KAT2A: variants seen among roughly 807,000 people sequenced by gnomAD.
The protein encoded by KAT2A is lysine acetyltransferase 2A, also known as histone acetyltransferase KAT2A.
A neutral mutation model predicts 95.2 loss-of-function variants in KAT2A; 42 were observed. That is an observed-to-expected ratio of 0.44 (90% CI 0.34 to 0.57). KAT2A has a LOEUF of 0.57. Ranked by LOEUF, KAT2A falls within the 20% of genes least tolerant of loss-of-function variation. The probability of loss-of-function intolerance (pLI) is 0.01; values close to 1 mark genes in which losing one functional copy is unlikely to be tolerated. For synonymous variants in KAT2A, 449 were observed against 448.2 expected, an observed-to-expected ratio of 1.00 and a Z score of -0.02; for missense variants, 784 against 1,126.3, an observed-to-expected ratio of 0.70 and a Z score of 4.35.
Position 42,120,265 on chromosome 17 carries a change from TCTTC to T in KAT2A, c.565_568del (p.Glu189ArgfsTer23). ...ATAGACCTGCTTGGTGTCTGTGTCC[TCTTC>T]CTTGTGAACAGACATGAAGAGATTC... On this transcript the variant is annotated frameshift_variant, in exon 3 of 18. Transcript: ENST00000225916. LOFTEE classifies it high-confidence loss of function. The T allele has an allele frequency of 6.2e-7, 1 of 1,614,218 alleles. No individual in the cohort carries two copies. Among genetic ancestry groups the T allele is most frequent in the Non-Finnish European group, 8.5e-7 (1 of 1,180,024 alleles).
At position 42,113,452 on chromosome 17, in the gene KAT2A, A is replaced by G. The variant is rs537578386; in HGVS notation, c.*197T>C. ...CCCCAACCCAGGAGACCTCTCACAC[A>G]CAGTGAAGGCTGGGACAGAGCTGCA... On this transcript the variant is annotated 3_prime_UTR_variant, in exon 18 of 18. Coordinates refer to ENST00000225916, the MANE Select transcript of KAT2A (RefSeq NM_021078.3). 1.9e-6 allele frequency: 1 copy of G among 520,292 alleles called. No individual in the cohort carries two copies. Among genetic ancestry groups the G allele is most frequent in the South Asian group, 2.7e-5 (1 of 37,574 alleles). The allele number at this position is 520,292 out of a possible 1,614,324, so 32.2% of individuals were successfully genotyped here. A position where few individuals can be genotyped will look rare whatever the true frequency, so the allele number is the denominator to read the frequency against.
chr17:42,118,227 C>T lies in KAT2A; in HGVS notation c.1180+70G>A. ...CCAGGGCCTCCGGCCCAGGTGAGCTCTCTTCCACCCAGGAGGCTTAGCTCA... is the reference window on the plus strand; with the variant it reads ...CCAGGGCCTCCGGCCCAGGTGAGCTTTCTTCCACCCAGGAGGCTTAGCTCA... On this transcript the variant is annotated intron_variant, in intron 7 of 17. Coordinates refer to ENST00000225916, the MANE Select transcript of KAT2A (RefSeq NM_021078.3). 3 of 1,253,724 alleles carry T rather than the reference C, an allele frequency of 2.4e-6. No homozygotes were observed. The South Asian group carries it at 3.7e-5, about 16-fold the overall frequency. The allele number at this position is 1,253,724 out of a possible 1,614,324, so 77.7% of individuals were successfully genotyped here.
chr17:42,120,058 G>A lies in KAT2A; in HGVS notation c.671C>T (p.Pro224Leu), dbSNP rs2054313899. The stretch of plus-strand genomic sequence containing the variant: ...CTCAATATTAGGTTTCTCAAATGGA[G>A]GGCTGCCCAGGGACCCCTCCACCAC... ...RPVVEGSLGS[P>L]PFEKPNIEQG... The change falls in exon 4 of 18, where the codon CCT (proline) becomes CTT (leucine). Residue 224 changes from proline to leucine, a missense_variant. This residue lies in a region of KAT2A where 208 missense variants were observed against 339.7 expected (regional missense o/e 0.61). Transcript: ENST00000225916. 2 of 1,613,990 alleles carry A rather than the reference G, an allele frequency of 1.2e-6. No individual in the cohort carries two copies. The highest frequency in any genetic ancestry group is 1.7e-6 in the Non-Finnish European group (2 of 1,179,992).
rs1467723356 is a variant in KAT2A, at chr17:42,117,311, T to C, written c.1637+77A>G. The C allele has an allele frequency of 1.3e-6, 2 of 1,564,246 alleles. No homozygotes were observed. Among genetic ancestry groups the C allele is most frequent in the African/African-American group, 2.7e-5 (2 of 73,910 alleles). ...GAAGTGGGGAGCAGGGGATCCCCAA[T>C]TTTGAGGAGTGAAGAGGCCGAGGAG... On this transcript the variant is annotated intron_variant, in intron 10 of 17. Transcript: ENST00000225916. This position sits in a 1 kb window ranked among gnomAD's most constrained non-coding sequence, Gnocchi z 8.9.
At chr17:42,115,874 G>A in intron 11 of KAT2A, 41 bp from the exon 12 acceptor site, 3 of 1,170,792 alleles carry the variant, frequency 2.6e-6, no homozygotes, top group Non-Finnish European at 3.9e-6. Flanking sequence ...AGCTGAGGAT[G>A]GGCCTGGTGC....
In KAT2A at chr17:42,117,974, G is replaced by T; in HGVS notation, c.1224C>A (p.Ser408Arg). ...TGTTGCTGCCCCCACCCATGCTGGGGCTGAAGATGGGGGTGCTGGGAACAA... is the reference window on the plus strand; with the variant it reads ...TGTTGCTGCCCCCACCCATGCTGGGTCTGAAGATGGGGGTGCTGGGAACAA... ...AAVVPSTPIF[S>R]PSMGGGSNSS... The change falls in exon 8 of 18, where the codon AGC becomes AGA. Residue 408 changes from serine (S) to arginine (R), a missense_variant. Transcript: ENST00000225916. This position sits in a 1 kb window ranked among gnomAD's most constrained non-coding sequence, Gnocchi z 8.9. The T allele has an allele frequency of 1.2e-6, 2 of 1,608,314 alleles. No homozygotes were observed. Among genetic ancestry groups the T allele is most frequent in the Non-Finnish European group, 1.7e-6 (2 of 1,176,184 alleles).
chr17:42,118,969 G>A, intron 6 of KAT2A: 1 of 1,201,860 alleles, frequency 8.3e-7, no homozygotes, highest in South Asian at 2.7e-5. Context: ...GTCTGAGGCT[G>A]TGTCCAGGCC....
In KAT2A at chr17:42,117,233, C is replaced by A; in HGVS notation, c.1638-72G>T. The stretch of plus-strand genomic sequence containing the variant: ...GTCCCCAGAGCCCTGGAAGTCTGAG[C>A]TGTAGTCAGGGTTGGGCAGTGAGAA... On this transcript the variant is annotated intron_variant, in intron 10 of 17. Coordinates refer to ENST00000225916, the MANE Select transcript of KAT2A (RefSeq NM_021078.3). This position sits in a 1 kb window ranked among gnomAD's most constrained non-coding sequence, Gnocchi z 8.9. 3 of 1,596,690 alleles carry A rather than the reference C, an allele frequency of 1.9e-6. No individual in the cohort carries two copies. The highest frequency in any genetic ancestry group is 1.7e-6 in the Non-Finnish European group (2 of 1,169,518).
intron 6 of KAT2A, among the ~76,000 whole-genome samples, chr17:42,118,687 C>T (rs1199067333): frequency 6.6e-6 from 1 of 152,220 alleles, no homozygotes; most frequent in Non-Finnish European, 1.5e-5. Context: ...GGCAGGGCAC[C>T]TTGTCACCCT....
chr17:42,114,636 C>G lies in KAT2A; in HGVS notation c.2020-32G>C, dbSNP rs2054227859. On this transcript the variant is annotated intron_variant, in intron 13 of 17. Transcript: ENST00000225916. The surrounding 1 kb of genome is among the most constrained non-coding windows in gnomAD (Gnocchi z 6.0). ...GAAGGAAGGGACTGAGGGGCCAACT[C>G]CAGCCCCAACAACAACCCCTCCCAG... 6.3e-7 allele frequency: 1 copy of G among 1,576,130 alleles called. No individual in the cohort carries two copies.
At position 42,121,097 on chromosome 17, in the gene KAT2A, C is replaced by G; in HGVS notation, c.208G>C (p.Ala70Pro). 4.6e-6 allele frequency: 7 copies of G among 1,531,162 alleles called. No homozygotes were observed. Among genetic ancestry groups the G allele is most frequent in the Non-Finnish European group, 5.3e-6 (6 of 1,137,734 alleles). The allele number at this position is 1,531,162 out of a possible 1,614,324, so 94.8% of individuals were successfully genotyped here. A position where few individuals can be genotyped will look rare whatever the true frequency, so the allele number is the denominator to read the frequency against. Reference sequence around the variant, plus strand: ...CGAGCCGGATCCCCCCCGCTCCCGGCCCCCCCACTTCCTACCCCGGGCCCC... The same window carrying G: ...CGAGCCGGATCCCCCCCGCTCCCGGGCCCCCCACTTCCTACCCCGGGCCCC... ...TGGPGVGSGGAGSGGDPARPG... is the reference protein window; with the variant it reads ...TGGPGVGSGGPGSGGDPARPG... Residue 70 changes from alanine to proline, a missense_variant, in exon 1 of 18, where the codon GCC becomes CCC. Around this residue, in one of 6 missense-constraint regions of KAT2A, gnomAD observed 142 missense variants for 123.2 expected, o/e 1.15. Coordinates refer to ENST00000225916, the MANE Select transcript of KAT2A (RefSeq NM_021078.3).
chr17:42,117,560 T>C lies in KAT2A; in HGVS notation c.1465A>G (p.Thr489Ala). The C allele has an allele frequency of 6.2e-7, 1 of 1,613,242 alleles. No individual in the cohort carries two copies. Among genetic ancestry groups the C allele is most frequent in the African/African-American group, 1.3e-5 (1 of 75,022 alleles). ...LLSANAARDE[T>A]ARLEERRGII... ...CCGCGGCGCTCCTCCAGGCGGGCTG[T>C]CTCATCCCGGGCCGCATTGGCCGAA... Residue 489 changes from threonine (T) to alanine (A), a missense_variant, in exon 10 of 18, where the codon ACA becomes GCA. By Grantham distance (58) the Thr-to-Ala change is moderately conservative (BLOSUM62 0). Coordinates refer to ENST00000225916, the MANE Select transcript of KAT2A (RefSeq NM_021078.3). This position sits in a 1 kb window ranked among gnomAD's most constrained non-coding sequence, Gnocchi z 8.9.
chr17:42,114,860 A>G lies in KAT2A; in HGVS notation c.2019+32T>C, dbSNP rs371781878. Reference sequence around the variant, plus strand: ...CGCCCTCTGCATGCCCATTCATGAAAAATCCCACAGATGCGCATGTGTGCA... The same window carrying G: ...CGCCCTCTGCATGCCCATTCATGAAGAATCCCACAGATGCGCATGTGTGCA... On this transcript the variant is annotated intron_variant, in intron 13 of 17. Coordinates refer to ENST00000225916, the MANE Select transcript of KAT2A (RefSeq NM_021078.3). The surrounding 1 kb of genome is among the most constrained non-coding windows in gnomAD (Gnocchi z 6.0). The G allele has an allele frequency of 6.8e-6, 11 of 1,612,596 alleles. No homozygotes were observed. Among genetic ancestry groups the G allele is most frequent in the Middle Eastern group, 1.7e-4 (1 of 6,030 alleles).
chr17:42,113,913 G>GC, intron 17 of KAT2A, 71 bp from the exon 18 acceptor site: 1 of 1,472,828 alleles, frequency 6.8e-7, no homozygotes, highest in Non-Finnish European at 9.0e-7. Context: ...ACCAGGGTGG[G>GC]CCCCCTGGGG....
At position 42,119,139 on chromosome 17, in the gene KAT2A, T is replaced by C. The variant is rs2054301070; in HGVS notation, c.1073+106A>G. The C allele has an allele frequency of 6.6e-7, 1 of 1,509,454 alleles. No homozygotes were observed. 93.5% of individuals were successfully genotyped at this position (1,509,454 alleles called of 1,614,324 possible). A position where few individuals can be genotyped will look rare whatever the true frequency, so the allele number is the denominator to read the frequency against. The stretch of plus-strand genomic sequence containing the variant: ...AGACGCCCAGATCCCAAAAGGCCCA[T>C]GGAGGGAGAGGAGGGACCAATCCAG... On this transcript the variant is annotated intron_variant, in intron 6 of 17. Transcript: ENST00000225916. The surrounding 1 kb of genome is among the most constrained non-coding windows in gnomAD (Gnocchi z 5.3).
In KAT2A at chr17:42,117,539, G is replaced by A. The variant is rs2054276570; in HGVS notation, c.1486C>T (p.Arg496Cys). The stretch of plus-strand genomic sequence containing the variant: ...ATGACATGGAACTCGATGATGCCGC[G>A]GCGCTCCTCCAGGCGGGCTGTCTCA... ...RDETARLEER[R>C]GIIEFHVIGN... Residue 496 changes from arginine (R) to cysteine (C), a missense_variant, in exon 10 of 18, where the codon CGC (arginine) becomes TGC (cysteine). By Grantham distance (180) the Arg-to-Cys change is radical. Coordinates refer to ENST00000225916, the MANE Select transcript of KAT2A (RefSeq NM_021078.3). This position sits in a 1 kb window ranked among gnomAD's most constrained non-coding sequence, Gnocchi z 8.9. 5 of 1,613,354 alleles carry A rather than the reference G, an allele frequency of 3.1e-6. No homozygotes were observed. The highest frequency in any genetic ancestry group is 4.2e-6 in the Non-Finnish European group (5 of 1,180,040).
rs782262277 is a variant in KAT2A at position 42,117,575 on chromosome 17, C to T, written c.1450G>A (p.Ala484Thr). The T allele has an allele frequency of 6.2e-7, 1 of 1,612,976 alleles. No homozygotes were observed. Among genetic ancestry groups the T allele is most frequent in the South Asian group, 1.1e-5 (1 of 91,032 alleles). Residue 484 changes from alanine to threonine, a missense_variant, in exon 10 of 18, where the codon GCG becomes ACG. Transcript: ENST00000225916. The surrounding 1 kb of genome is among the most constrained non-coding windows in gnomAD (Gnocchi z 8.9). ...AGGCGGGCTGTCTCATCCCGGGCCGCATTGGCCGAAAGCAGGCTCGTCTGG... is the reference window on the plus strand; with the variant it reads ...AGGCGGGCTGTCTCATCCCGGGCCGTATTGGCCGAAAGCAGGCTCGTCTGG... ...GPETSLLSAN[A>T]ARDETARLEE...
chr17:42,113,714 A>T lies in KAT2A; in HGVS notation c.2449T>A (p.Cys817Ser), dbSNP rs782623804. 5 of 1,611,626 alleles carry T rather than the reference A, an allele frequency of 3.1e-6. No individual in the cohort carries two copies. In the Admixed American group the frequency reaches 6.8e-5, roughly 22 times the overall value. Residue 817 changes from cysteine (C) to serine (S), a missense_variant, in exon 18 of 18, where the codon TGT (cysteine) becomes AGT (serine). Physicochemically the swap from Cys to Ser is moderately radical, Grantham distance 112 (BLOSUM62 -1). Coordinates refer to ENST00000225916, the MANE Select transcript of KAT2A (RefSeq NM_021078.3). ...AAGAACTTCTCCAGGGCGCTGGCAC[A>T]GCGGCAGTACTCGCTGTCCGGGGGG... Reference protein sequence around the residue: ...YNPPDSEYCRCASALEKFFYF... With the variant: ...YNPPDSEYCRSASALEKFFYF...
rs1555666961 is a variant in KAT2A at position 42,120,042 on chromosome 17, A to T, written c.687T>A (p.Pro229=). The change falls in exon 4 of 18, where the codon CCT becomes CCA. Residue 229 remains proline, a synonymous_variant. Transcript: ENST00000225916. The stretch of plus-strand genomic sequence containing the variant: ...TCCCCTATCTCACCTGCTCAATATT[A>T]GGTTTCTCAAATGGAGGGCTGCCCA... The part of the protein sequence containing the change: ...GSLGSPPFEK[P]NIEQGVLNFV... 1 of 1,613,682 alleles carries T rather than the reference A, an allele frequency of 6.2e-7. No individual in the cohort carries two copies. The highest frequency in any genetic ancestry group is 8.5e-7 in the Non-Finnish European group (1 of 1,179,700).
Sources: gnomAD v4.1 joint callset for allele counts (sites outside exome capture counted in the v4.1 genomes callset) on GRCh38, gnomAD v4.1.1 for gene constraint, gnomAD v4.1.1 regional missense constraint, Gnocchi (gnomAD v3.1) non-coding constraint, MANE v1.5 for transcripts, NCBI Gene and HGNC (gene_info 2026-07-23, HGNC 2026-07-21) for gene names.